LAMA2: variants seen among roughly 807,000 people sequenced by gnomAD.
LAMA2 encodes laminin subunit alpha 2, also known as laminin subunit alpha-2.
In LAMA2, 269 loss-of-function variants were observed where a neutral mutation model predicts 364.8. That is an observed-to-expected ratio of 0.74 (90% CI 0.67 to 0.82). LAMA2 has a LOEUF of 0.82. Ranked by LOEUF, LAMA2 falls within the 40% of genes least tolerant of loss-of-function variation. The probability of loss-of-function intolerance (pLI) is 0.00; values close to 1 mark genes in which losing one functional copy is unlikely to be tolerated. For synonymous variants in LAMA2, 1,379 were observed against 1,370.6 expected (o/e 1.01, Z -0.14); for missense variants, 3,807 against 3,873.2 (o/e 0.98, Z 0.45).
In LAMA2 at chr6:129,442,167, A is replaced by C. The variant is rs60202121; in HGVS notation, c.6269-896A>C. On this transcript the variant is annotated intron_variant, in intron 43 of 64. Coordinates refer to ENST00000421865, the MANE Select transcript of LAMA2 (RefSeq NM_000426.4). ...ACTGTAATTGGTATTATATGCCATA[A>C]AATTCAAATGCTGTTTGAGTGGGGA... The C allele has an allele frequency of 5.0e-3, 6,522 of 1,296,370 alleles. 284 individuals are homozygous for C. In the African/African-American group the frequency reaches 0.089, roughly 18 times the overall value. The allele number at this position is 1,296,370 out of a possible 1,614,324, so 80.3% of individuals were successfully genotyped here.
At chr6:129,106,434 G>A (rs1010672032) in intron 4 of LAMA2, among the ~76,000 whole-genome samples, 1 of 152,144 alleles carries the variant, frequency 6.6e-6, no homozygotes, top group Non-Finnish European at 1.5e-5. Context: ...TGAAGACCTA[G>A]CCTTTCTCAA....
Position 128,998,422 on chromosome 6 carries a change from C to T in LAMA2, c.113-51496C>T, listed in dbSNP as rs1299207709. Reference sequence around the variant, plus strand: ...CAAGATGGCCGAATAGGAACAGCTCCGCTCTACAGCTCCCAGTGTGAGCGA... The same window carrying T: ...CAAGATGGCCGAATAGGAACAGCTCTGCTCTACAGCTCCCAGTGTGAGCGA... On this transcript the variant is annotated intron_variant, in intron 1 of 64. Coordinates refer to ENST00000421865, the MANE Select transcript of LAMA2 (RefSeq NM_000426.4). Among the ~76,000 whole-genome samples, 2 of 69,822 alleles carry T rather than the reference C, an allele frequency of 2.9e-5. 1 individual carries two copies. The highest frequency in any genetic ancestry group is 2.5e-4 in the African/African-American group (2 of 7,894). The allele number at this position is 69,822 out of a possible 152,430, so 45.8% of individuals were successfully genotyped here. A position where few individuals can be genotyped will look rare whatever the true frequency, so the allele number is the denominator to read the frequency against.
chr6:129,030,041 T>A (rs770248583), intron 1 of LAMA2, among the ~76,000 whole-genome samples: 6 of 152,072 alleles, frequency 3.9e-5, no homozygotes, highest in African/African-American at 9.7e-5. Flanking sequence ...TTAATTACTT[T>A]GTCTTCTAAC....
intron 6 of LAMA2, 50 bp from the exon 7 acceptor site, chr6:129,148,929 A>G (rs961821802): frequency 2.5e-6 from 3 of 1,178,996 alleles, no homozygotes; most frequent in African/African-American, 1.5e-5. Context: ...GGCTTCCTTT[A>G]TGGTTCTAAA....
chr6:129,442,063 A>G (rs1392621340), intron 43 of LAMA2, among the ~76,000 whole-genome samples: 7 of 152,146 alleles, frequency 4.6e-5, no homozygotes, highest in African/African-American at 1.7e-4. Context: ...TGTGCTTTTC[A>G]CTTTCAAGAG....
intron 12 of LAMA2, among the ~76,000 whole-genome samples, chr6:129,195,422 A>G (rs1294964294): frequency 6.6e-6 from 1 of 152,210 alleles, no homozygotes; most frequent in African/African-American, 2.4e-5. Flanking sequence ...CATTTTTCAC[A>G]TTTTTACTGT....
At chr6:129,269,319 AG>A (rs1787753850) in intron 16 of LAMA2, among the ~76,000 whole-genome samples, 1 of 151,320 alleles carries the variant, frequency 6.6e-6, no homozygotes, top group Non-Finnish European at 1.5e-5. Flanking sequence ...CTTTCGTAAC[AG>A]GACACCTGTA....
At chr6:129,234,123 T>C (rs1410751975) in intron 12 of LAMA2, among the ~76,000 whole-genome samples, 2 of 152,154 alleles carry the variant, frequency 1.3e-5, no homozygotes, top group African/African-American at 2.4e-5. Context: ...AAATTTGCTT[T>C]GGAGACGTAA....
intron 44 of LAMA2, among the ~76,000 whole-genome samples, chr6:129,443,932 G>A (rs1435311564): frequency 6.6e-6 from 1 of 152,018 alleles, no homozygotes; most frequent in Non-Finnish European, 1.5e-5. Flanking sequence ...TTTAGAAAAA[G>A]CAGAGTTAAC....
intron 1 of LAMA2, among the ~76,000 whole-genome samples, chr6:128,951,785 G>A (rs1182811053): frequency 6.6e-6 from 1 of 151,926 alleles, no homozygotes; most frequent in East Asian, 1.9e-4. Context: ...TGGCTATTTT[G>A]TTTAAAAAAA....
chr6:128,987,126 GTTTTTTTTTTTTTGTT>G (rs959177462), intron 1 of LAMA2, among the ~76,000 whole-genome samples: 1 of 121,196 alleles, frequency 8.3e-6, no homozygotes, highest in African/African-American at 2.7e-5. Context: ...AGGATAGTTT[GTTTTTTTTTTTTTGTT>G]TTTTTTTTTT....
At chr6:129,151,638 G>T (rs1778801046) in intron 7 of LAMA2, among the ~76,000 whole-genome samples, 1 of 152,196 alleles carries the variant, frequency 6.6e-6, no homozygotes, top group African/African-American at 2.4e-5. Context: ...GGAAACTTAT[G>T]ATCAAAGGGG....
rs1404384975 is a variant in LAMA2 at position 129,294,385 on chromosome 6, A to G, written c.2856+2665A>G. ...ATGGAAATTCATTTCTCACGATTCTAGAGGCTGGGAAGTACAAGATCCAGG... is the reference window on the plus strand; with the variant it reads ...ATGGAAATTCATTTCTCACGATTCTGGAGGCTGGGAAGTACAAGATCCAGG... On this transcript the variant is annotated intron_variant, in intron 20 of 64. Coordinates refer to ENST00000421865, the MANE Select transcript of LAMA2 (RefSeq NM_000426.4). Among the ~76,000 whole-genome samples, 4 of 152,172 alleles carry G rather than the reference A, an allele frequency of 2.6e-5. No individual in the cohort carries two copies. In the East Asian group the frequency reaches 7.7e-4, roughly 29 times the overall value.
intron 12 of LAMA2, among the ~76,000 whole-genome samples, chr6:129,202,343 T>C (rs913086875): frequency 1.3e-5 from 2 of 152,086 alleles, no homozygotes; most frequent in African/African-American, 2.4e-5. Context: ...ATGCCTAATG[T>C]GATAGTATTT....
intron 40 of LAMA2, among the ~76,000 whole-genome samples, chr6:129,426,409 T>C (rs951196346): frequency 4.6e-5 from 7 of 152,098 alleles, no homozygotes; most frequent in Non-Finnish European, 1.0e-4. Context: ...GTGGGTAACC[T>C]GAGGCTTACT....
chr6:129,403,234 A>C (rs944211982), intron 39 of LAMA2, among the ~76,000 whole-genome samples: 7 of 148,940 alleles, frequency 4.7e-5, no homozygotes, highest in Admixed American at 6.7e-5. Flanking sequence ...CTAATGTTTG[A>C]AGACCTTGGA....
At chr6:129,183,533 T>C (rs1043719493) in intron 10 of LAMA2, among the ~76,000 whole-genome samples, 1 of 151,992 alleles carries the variant, frequency 6.6e-6, no homozygotes, top group Non-Finnish European at 1.5e-5. Flanking sequence ...CAGAATGTTC[T>C]TGAGTTTCAG....
chr6:129,298,058 G>A (rs570533692), intron 21 of LAMA2, among the ~76,000 whole-genome samples, 193 bp downstream of exon 21: 3 of 34,154 alleles, frequency 8.8e-5, no homozygotes, highest in African/African-American at 6.6e-4. Flanking sequence ...TAATAACTGT[G>A]TGCAAGTACT....
At chr6:129,157,342 G>A (rs973962951) in intron 8 of LAMA2, among the ~76,000 whole-genome samples, 3 of 152,192 alleles carry the variant, frequency 2.0e-5, no homozygotes, top group Non-Finnish European at 4.4e-5. Context: ...GAAGTGTTTA[G>A]AAGTTCCCAG....
Sources: allele counts gnomAD v4.1 joint callset (sites outside exome capture counted in the v4.1 genomes callset), GRCh38; gene constraint gnomAD v4.1.1; transcripts MANE v1.5; gene names NCBI Gene and HGNC (gene_info 2026-07-23, HGNC 2026-07-21).